MAP3K8: variants seen among roughly 807,000 people sequenced by gnomAD.
The protein encoded by MAP3K8 is Ewing sarcoma transformant.
MAP3K8 carries 22 observed loss-of-function variants against 45.8 expected under a neutral mutation model. The observed-to-expected ratio is 0.48, with a 90% confidence interval of 0.34 to 0.69. The LOEUF is 0.69. Among genes scored for constraint, MAP3K8 ranks in the 30% least tolerant of loss-of-function variants. The pLI is 0.01. For missense variants in MAP3K8, 419 were observed against 585.0 expected (o/e 0.72, Z 2.93); for synonymous variants, 223 against 214.3 (o/e 1.04, Z -0.36).
intron 1 of MAP3K8, among the ~76,000 whole-genome samples, chr10:30,436,473 C>T (rs1336275692): frequency 1.3e-5 from 2 of 152,098 alleles, no homozygotes; most frequent in African/African-American, 4.8e-5. Context: ...GCTTCCCTCC[C>T]TCTCCCCTTT....
At chr10:30,457,751 T>G (rs1210320572) in intron 6 of MAP3K8, among the ~76,000 whole-genome samples, 2 of 152,168 alleles carry the variant, frequency 1.3e-5, no homozygotes, top group Non-Finnish European at 2.9e-5. Context: ...GCTCAAGCGA[T>G]TCTCCTTGCC....
At position 30,434,671 on chromosome 10, in the gene MAP3K8, G is replaced by A. The variant is rs1047727090; in HGVS notation, c.-255+293G>A. 3.1e-5 allele frequency: 31 copies of A among 985,334 alleles called. No homozygotes were observed. The African/African-American group carries it at 4.5e-4, about 14-fold the overall frequency. The allele number at this position is 985,334 out of a possible 1,614,324, so 61.0% of individuals were successfully genotyped here. A position where few individuals can be genotyped will look rare whatever the true frequency, so the allele number is the denominator to read the frequency against. ...AGTGCTGGTCTGGGCAGTGCGCGGG[G>A]AAGCGGGGACCCGCTGTCACTGCGC... On this transcript the variant is annotated intron_variant, in intron 1 of 8. Transcript: ENST00000263056.
rs570284023 is a variant in MAP3K8 at position 30,449,268 on chromosome 10, G to A, written c.505-990G>A. Among the ~76,000 whole-genome samples the A allele has an allele frequency of 9.2e-5, 14 of 152,128 alleles. No individual in the cohort carries two copies. In the South Asian group the frequency reaches 2.3e-3, roughly 25 times the overall value. On this transcript the variant is annotated intron_variant, in intron 4 of 8. Transcript: ENST00000263056. ...TCTGGTTTGTTTTTCTTTTTGAGAC[G>A]GAGTCTAGCTCTGTCGCCCAGGCTG...
At chr10:30,441,099 G>A (rs1836088683) in intron 3 of MAP3K8, among the ~76,000 whole-genome samples, 1 of 151,974 alleles carries the variant, frequency 6.6e-6, no homozygotes, top group Non-Finnish European at 1.5e-5. Flanking sequence ...GTAAAATGTT[G>A]TCATTACCTG....
chr10:30,448,493 C>T (rs1415558412), intron 4 of MAP3K8, among the ~76,000 whole-genome samples: 5 of 151,186 alleles, frequency 3.3e-5, no homozygotes, highest in South Asian at 4.2e-4. Context: ...AGTGCAGTGT[C>T]GGGGTCTCGG....
intron 6 of MAP3K8, among the ~76,000 whole-genome samples, chr10:30,457,121 A>G (rs947267339): frequency 1.1e-4 from 16 of 151,814 alleles, no homozygotes; most frequent in African/African-American, 3.4e-4. Context: ...GATTATAGAC[A>G]TGAGCCACCA....
chr10:30,459,494 C>A lies in MAP3K8; in HGVS notation c.1266C>A (p.Asn422Lys). 1 of 1,613,736 alleles carries A rather than the reference C, an allele frequency of 6.2e-7. No homozygotes were observed. The highest frequency in any genetic ancestry group is 8.5e-7 in the Non-Finnish European group (1 of 1,180,008). ...LSRKELELPE[N>K]IADSSCTGST... ...GGAAGGAGCTGGAACTTCCTGAGAA[C>A]ATTGCTGGTAGGGACACCCTGCTGT... Residue 422 changes from asparagine (N) to lysine (K), a missense_variant, in exon 8 of 9, where the codon AAC (asparagine) becomes AAA (lysine). By Grantham distance (94) the Asn-to-Lys change is moderately conservative (BLOSUM62 0). Transcript: ENST00000263056.
intron 4 of MAP3K8, among the ~76,000 whole-genome samples, chr10:30,449,732 A>G (rs1003666825): frequency 6.6e-6 from 1 of 151,998 alleles, no homozygotes; most frequent in Non-Finnish European, 1.5e-5. Context: ...CTGGTCTCGA[A>G]CTCCTAGCCT....
intron 7 of MAP3K8, 32 bp from the exon 8 acceptor site, chr10:30,459,223 C>T: frequency 6.2e-7 from 1 of 1,613,436 alleles, no homozygotes. Flanking sequence ...ATCACCATAC[C>T]TTTGATGCTA....
rs1291756173 is a variant in MAP3K8, at chr10:30,460,815, A to T, written c.1383A>T (p.Pro461=). The change falls in exon 9 of 9, where the codon CCA becomes CCT. Residue 461 remains proline, a synonymous_variant. Transcript: ENST00000263056. ...GCTACTTCAATCTTGTTCGGGGACC[A>T]CCAACGCTTGAATATGGCTGAAGGA... is the stretch of plus-strand genomic sequence containing the variant. The part of the protein sequence containing the change: ...LAGYFNLVRG[P]PTLEYG 1 of 1,613,882 alleles carries T rather than the reference A, an allele frequency of 6.2e-7. No homozygotes were observed.
chr10:30,435,831 A>G (rs1055930528), intron 1 of MAP3K8, among the ~76,000 whole-genome samples: 2 of 152,262 alleles, frequency 1.3e-5, no homozygotes, highest in Non-Finnish European at 2.9e-5. Context: ...GGCATGAGCC[A>G]CTGTGCCCGG....
intron 5 of MAP3K8, 199 bp downstream of exon 5, chr10:30,450,718 A>G: frequency 6.9e-6 from 4 of 581,996 alleles, no homozygotes; most frequent in South Asian, 4.1e-5. Context: ...AGGAAAGATT[A>G]CTTTCAACAG....
At chr10:30,454,461 A>G (rs59500150) in intron 6 of MAP3K8, among the ~76,000 whole-genome samples, 2,448 of 152,064 alleles carry the variant, frequency 0.016, 68 homozygotes, top group African/African-American at 0.056. Context: ...CCAGCTACTC[A>G]AGAGACTGAG....
At position 30,452,475 on chromosome 10, in the gene MAP3K8, A is replaced by G. The variant is rs138301879; in HGVS notation, c.873+731A>G. 6.6e-3 allele frequency among the ~76,000 whole-genome samples: 1,009 copies of G among 151,860 alleles called. 15 individuals carry two copies. Among genetic ancestry groups the G allele is most frequent in the African/African-American group, 0.023 (968 of 41,422 alleles). ...CAAGAGTGAAACTCCATCTCAAAAA[A>G]AAAAAAAATTAGCTCAGTGTGGTGG... On this transcript the variant is annotated intron_variant, in intron 6 of 8. Coordinates refer to ENST00000263056, the MANE Select transcript of MAP3K8 (RefSeq NM_005204.4).
chr10:30,439,057 C>A lies in MAP3K8; in HGVS notation c.119C>A (p.Ala40Glu). 2.5e-6 allele frequency: 4 copies of A among 1,614,140 alleles called. No homozygotes were observed. Among genetic ancestry groups the A allele is most frequent in the Non-Finnish European group, 3.4e-6 (4 of 1,179,986 alleles). Residue 40 changes from alanine (A) to glutamate (E), a missense_variant, in exon 3 of 9, where the codon GCA (alanine) becomes GAA (glutamate). This residue lies in a region of MAP3K8 where 102 missense variants were observed against 93.5 expected (regional missense o/e 1.09). Coordinates refer to ENST00000263056, the MANE Select transcript of MAP3K8 (RefSeq NM_005204.4). ...MENLYASEEP[A>E]VYEPSLMTMC... is the part of the protein sequence containing the mutation. ...AATCTTTATGCAAGTGAAGAGCCAGCAGTTTATGAACCCAGTCTAATGACC... is the reference window on the plus strand; with the variant it reads ...AATCTTTATGCAAGTGAAGAGCCAGAAGTTTATGAACCCAGTCTAATGACC...
At chr10:30,441,446 C>T (rs1406241331) in intron 3 of MAP3K8, among the ~76,000 whole-genome samples, 3 of 152,134 alleles carry the variant, frequency 2.0e-5, no homozygotes, top group South Asian at 2.1e-4. Context: ...CGTGAGCCAC[C>T]GCACCTGGCC....
At chr10:30,439,726 T>C (rs951108835) in intron 3 of MAP3K8, among the ~76,000 whole-genome samples, 1 of 152,156 alleles carries the variant, frequency 6.6e-6, no homozygotes, top group Admixed American at 6.5e-5. Context: ...CGAGAATCCC[T>C]TGAACCTGGG....
chr10:30,439,243 G>A lies in MAP3K8; in HGVS notation c.305G>A (p.Arg102Gln), dbSNP rs747304103. 1.3e-5 allele frequency: 21 copies of A among 1,614,144 alleles called. No individual in the cohort carries two copies. The highest frequency in any genetic ancestry group is 3.3e-5 in the South Asian group (3 of 91,068). Residue 102 changes from arginine to glutamine, a missense_variant, in exon 3 of 9, where the codon CGA (arginine) becomes CAA (glutamine). By Grantham distance (43) the Arg-to-Gln change is conservative. Around this residue, in one of 3 missense-constraint regions of MAP3K8, gnomAD observed 209 missense variants for 367.3 expected, o/e 0.57. Coordinates refer to ENST00000263056, the MANE Select transcript of MAP3K8 (RefSeq NM_005204.4). The part of the protein sequence containing the change: ...SNTAKHFYGQ[R>Q]PQESGILLNM... ...ACTGCAAAGCATTTTTATGGACAAC[G>A]ACCACAGGAATCTGGAATTTTATTA...
intron 7 of MAP3K8, among the ~76,000 whole-genome samples, chr10:30,458,458 G>T (rs1403324081): frequency 6.6e-6 from 1 of 152,220 alleles, no homozygotes; most frequent in African/African-American, 2.4e-5. Flanking sequence ...TGTGCATTGG[G>T]CATAATTTAT....
Sources: gnomAD v4.1 joint callset for allele counts (sites outside exome capture counted in the v4.1 genomes callset) on GRCh38, gnomAD v4.1.1 for gene constraint, gnomAD v4.1.1 regional missense constraint, MANE v1.5 for transcripts, NCBI Gene and HGNC (gene_info 2026-07-23, HGNC 2026-07-21) for gene names.